The following AXIN1 variants were observed in gnomAD, a reference collection of about 807,000 sequenced individuals.
AXIN1 encodes the protein axin 1, also known as axin-1.
AXIN1 carries 30 observed loss-of-function variants against 76.4 expected under a neutral mutation model. That is an observed-to-expected ratio of 0.39 (90% CI 0.29 to 0.53). The LOEUF is 0.53. AXIN1 is among the 20% of genes least tolerant of loss of function. The pLI is 0.66. For missense variants in AXIN1, 1,140 were observed against 1,198.8 expected (o/e 0.95, Z 0.72); for synonymous variants, 545 against 501.4 (o/e 1.09, Z -1.16).
intron 2 of AXIN1, among the ~76,000 whole-genome samples, chr16:327,251 G>C (rs557013565): frequency 6.6e-6 from 1 of 152,252 alleles, no homozygotes; most frequent in Non-Finnish European, 1.5e-5. Flanking sequence ...TCAGGGGCAG[G>C]AACAGGTGAT....
chr16:337,579 GC>G (rs1490471078), intron 2 of AXIN1, among the ~76,000 whole-genome samples: 1 of 151,292 alleles, frequency 6.6e-6, no homozygotes, highest in Non-Finnish European at 1.5e-5. Context: ...ACAGGACCAA[GC>G]AGCCCACTGC....
At chr16:350,437 A>G (rs1256192791) in intron 1 of AXIN1, among the ~76,000 whole-genome samples, 2 of 152,248 alleles carry the variant, frequency 1.3e-5, no homozygotes, top group African/African-American at 4.8e-5. Context: ...CGGGATGCCT[A>G]CAAGTATGAT....
chr16:306,387 G>T (rs527433952), intron 4 of AXIN1, among the ~76,000 whole-genome samples: 1 of 152,152 alleles, frequency 6.6e-6, no homozygotes, highest in African/African-American at 2.4e-5. Flanking sequence ...AATCCAGGCC[G>T]CCAGTGTCTA....
In AXIN1 at chr16:289,747, G is replaced by GAGGCCC; in HGVS notation, c.2295-141_2295-140insGGGCCT. On this transcript the variant is annotated intron_variant, in intron 9 of 10. Coordinates refer to ENST00000262320, the MANE Select transcript of AXIN1 (RefSeq NM_003502.4). ...CACCCCATTCAAACACCTGGGGCCC[G>GAGGCCC]CAGCCCCCGCACAGCATCTCAATCT... 24 of 1,004,098 alleles carry GAGGCCC rather than the reference G, an allele frequency of 2.4e-5. 2 individuals carry two copies. Among genetic ancestry groups the GAGGCCC allele is most frequent in the African/African-American group, 1.4e-4 (9 of 62,820 alleles). The allele number at this position is 1,004,098 out of a possible 1,614,324, so 62.2% of individuals were successfully genotyped here.
intron 2 of AXIN1, among the ~76,000 whole-genome samples, chr16:337,725 T>A (rs1260509926): frequency 6.6e-6 from 1 of 152,158 alleles, no homozygotes; most frequent in African/African-American, 2.4e-5. Context: ...AGGAAGCCCG[T>A]GGGCCGAGGC....
At position 293,344 on chromosome 16, in the gene AXIN1, A is replaced by C; in HGVS notation, c.2186+144T>G. On this transcript the variant is annotated intron_variant, in intron 8 of 10. Coordinates refer to ENST00000262320, the MANE Select transcript of AXIN1 (RefSeq NM_003502.4). The surrounding 1 kb of genome is among the most constrained non-coding windows in gnomAD (Gnocchi z 4.6). ...GCCACGTGGCCCCTCAGTGGTTCTC[A>C]GTGGATGGAAGGGCCCAGTATGGCT... 1.2e-6 allele frequency: 1 copy of C among 813,634 alleles called. No individual in the cohort carries two copies. Among genetic ancestry groups the C allele is most frequent in the Non-Finnish European group, 1.9e-6 (1 of 517,704 alleles). The allele number at this position is 813,634 out of a possible 1,614,324, so 50.4% of individuals were successfully genotyped here.
At chr16:290,908 G>A (rs553544538) in intron 9 of AXIN1, 30 of 520,824 alleles carry the variant, frequency 5.8e-5, no homozygotes, top group African/African-American at 9.6e-5. Context: ...AAGCCTGGCC[G>A]TGACACCTGT....
rs937906826 is a variant in AXIN1, at chr16:293,431, C to T, written c.2186+57G>A. 5.2e-6 allele frequency: 8 copies of T among 1,552,452 alleles called. No individual in the cohort carries two copies. The highest frequency in any genetic ancestry group is 2.3e-5 in the East Asian group (1 of 44,356). ...CTCAGGCCTCGGGGAGCTTCAGCCC[C>T]AGGAGTGGTGCTGTGGTAACCCCCA... On this transcript the variant is annotated intron_variant, in intron 8 of 10. Coordinates refer to ENST00000262320, the MANE Select transcript of AXIN1 (RefSeq NM_003502.4). The surrounding 1 kb of genome is among the most constrained non-coding windows in gnomAD (Gnocchi z 4.6).
At chr16:301,293 A>G (rs1292570153) in intron 5 of AXIN1, among the ~76,000 whole-genome samples, 2 of 85,594 alleles carry the variant, frequency 2.3e-5, no homozygotes, top group East Asian at 4.6e-4. Flanking sequence ...AAAACAAAGC[A>G]AAAAAAAAAA....
rs975469420 is a variant in AXIN1 at position 287,640 on chromosome 16, G to A, written c.*482C>T. ...CGGCTGGAGGCAGGTGCAGTGCTCCGTCGCCGATTCACACAGTGGCAGGCA... is the reference window on the plus strand; with the variant it reads ...CGGCTGGAGGCAGGTGCAGTGCTCCATCGCCGATTCACACAGTGGCAGGCA... On this transcript the variant is annotated 3_prime_UTR_variant, in exon 11 of 11. Transcript: ENST00000262320. 4 of 317,678 alleles carry A rather than the reference G, an allele frequency of 1.3e-5. No individual in the cohort carries two copies. Among genetic ancestry groups the A allele is most frequent in the East Asian group, 5.0e-5 (1 of 19,874 alleles). 19.7% of individuals were successfully genotyped at this position (317,678 alleles called of 1,614,324 possible).
intron 1 of AXIN1, among the ~76,000 whole-genome samples, chr16:351,290 C>CA (rs2054137522): frequency 1.4e-5 from 2 of 141,448 alleles, no homozygotes; most frequent in African/African-American, 5.2e-5. Context: ...AAGGGGCTGA[C>CA]ATGCACATAA....
intron 2 of AXIN1, among the ~76,000 whole-genome samples, chr16:324,092 G>A (rs935798788): frequency 2.6e-5 from 4 of 150,944 alleles, no homozygotes; most frequent in African/African-American, 9.9e-5. Context: ...GAGCCCTGCA[G>A]CCCACAAGAG....
At chr16:325,206 C>T (rs965799795) in intron 2 of AXIN1, among the ~76,000 whole-genome samples, 2 of 152,236 alleles carry the variant, frequency 1.3e-5, no homozygotes, top group South Asian at 2.1e-4. Flanking sequence ...ACCCGGAAGC[C>T]TGGGGAGGCT....
At chr16:344,535 C>G (rs1028942171) in intron 2 of AXIN1, among the ~76,000 whole-genome samples, 3 of 151,034 alleles carry the variant, frequency 2.0e-5, no homozygotes, top group African/African-American at 7.3e-5. Context: ...GTCGCCCAGG[C>G]TGGAGTGCAA....
In AXIN1 at chr16:298,056, G is replaced by A. The variant is rs758201257; in HGVS notation, c.1450C>T (p.Arg484Cys). 1.5e-5 allele frequency: 24 copies of A among 1,576,354 alleles called. No individual in the cohort carries two copies. The Admixed American group carries it at 1.6e-4, about 10-fold the overall frequency. ...HVQRVLRTPG[R>C]QSPGPGHRSP... is the part of the protein sequence containing the mutation. ...CGATGGCCAGGCCCAGGCGACTGGC[G>A]GCCAGGTGTCCTCAGCACACGCTGT... Residue 484 changes from arginine to cysteine, a missense_variant, in exon 6 of 11, where the codon CGC (arginine) becomes TGC (cysteine). Transcript: ENST00000262320.
chr16:351,377 A>C (rs1291050738), intron 1 of AXIN1, among the ~76,000 whole-genome samples: 1 of 152,180 alleles, frequency 6.6e-6, no homozygotes, highest in Non-Finnish European at 1.5e-5. Flanking sequence ...TGGTAGGCCA[A>C]AGTGGGCAGA....
At chr16:322,403 T>C (rs2053479166) in intron 2 of AXIN1, among the ~76,000 whole-genome samples, 1 of 152,214 alleles carries the variant, frequency 6.6e-6, no homozygotes, top group Admixed American at 6.5e-5. Flanking sequence ...TGTGCACCTG[T>C]GCTCAGGTAT....
At chr16:326,772 G>A (rs1240889309) in intron 2 of AXIN1, among the ~76,000 whole-genome samples, 12 of 150,592 alleles carry the variant, frequency 8.0e-5, no homozygotes, top group African/African-American at 2.7e-4. Flanking sequence ...TCAGGCCACC[G>A]TCAGCTATGA....
At chr16:343,431 G>T (rs925477075) in intron 2 of AXIN1, among the ~76,000 whole-genome samples, 1 of 152,204 alleles carries the variant, frequency 6.6e-6, no homozygotes, top group African/African-American at 2.4e-5. Flanking sequence ...GCCGGGCGCA[G>T]TGGCTCACAC....
Sources: allele counts gnomAD v4.1 joint callset (sites outside exome capture counted in the v4.1 genomes callset), GRCh38; gene constraint gnomAD v4.1.1; non-coding constraint Gnocchi (gnomAD v3.1); transcripts MANE v1.5; gene names NCBI Gene and HGNC (gene_info 2026-07-23, HGNC 2026-07-21).